Variants in DCHS2 observed in about 807,000 individuals in gnomAD.
DCHS2 encodes protocadherin-23.
In DCHS2, 142 loss-of-function variants were observed where a neutral mutation model predicts 182.4. The ratio of observed to expected loss-of-function variants is 0.78; its 90% confidence interval spans 0.68 to 0.89. The LOEUF is 0.89. DCHS2 is among the 40% of genes least tolerant of loss of function. The probability of loss-of-function intolerance (pLI) is 0.00; values close to 1 mark genes in which losing one functional copy is unlikely to be tolerated. For synonymous variants in DCHS2, 1,740 were observed against 1,663.3 expected (o/e 1.05, Z -1.12); for missense variants, 4,319 against 4,198.6 (o/e 1.03, Z -0.79).
chr4:154,297,250 C>T (rs552567824), intron 13 of DCHS2, among the ~76,000 whole-genome samples: 1 of 152,314 alleles, frequency 6.6e-6, no homozygotes, highest in Admixed American at 6.5e-5. Context: ...TTTCCTGTTA[C>T]ACCTGCAACT....
intron 10 of DCHS2, among the ~76,000 whole-genome samples, chr4:154,307,578 G>C (rs1281762934): frequency 6.6e-6 from 1 of 152,140 alleles, no homozygotes; most frequent in Non-Finnish European, 1.5e-5. Flanking sequence ...GGCCCCATGA[G>C]CTATTCCTCT....
intron 1 of DCHS2, among the ~76,000 whole-genome samples, chr4:154,431,614 G>C (rs1461518745): frequency 6.6e-6 from 1 of 152,104 alleles, no homozygotes; most frequent in East Asian, 1.9e-4. Flanking sequence ...TCTCTATGCA[G>C]ATAATAACAT....
intron 1 of DCHS2, among the ~76,000 whole-genome samples, chr4:154,396,740 C>T (rs1731942156): frequency 6.6e-6 from 1 of 152,078 alleles, no homozygotes; most frequent in South Asian, 2.1e-4. Context: ...TTCCATTTCC[C>T]ACTCTACTTC....
At chr4:154,316,052 C>T (rs1735845330) in intron 9 of DCHS2, 65 bp from the exon 10 acceptor site, 2 of 1,584,214 alleles carry the variant, frequency 1.3e-6, no homozygotes, top group Non-Finnish European at 1.7e-6. Flanking sequence ...ATGCTTACTC[C>T]ACTTATATCT....
intron 19 of DCHS2, among the ~76,000 whole-genome samples, chr4:154,238,382 A>G (rs1731639240): frequency 6.6e-6 from 1 of 152,148 alleles, no homozygotes; most frequent in East Asian, 1.9e-4. Flanking sequence ...AAATGATGCA[A>G]TGGTGGATAG....
At chr4:154,325,242 T>C (rs544656597) in intron 7 of DCHS2, among the ~76,000 whole-genome samples, 113 of 152,036 alleles carry the variant, frequency 7.4e-4, no homozygotes, top group African/African-American at 2.6e-3. Context: ...ATCTTTGAAG[T>C]CCATACATCC....
At chr4:154,451,067 T>C (rs1215581099) in intron 1 of DCHS2, among the ~76,000 whole-genome samples, 1 of 152,182 alleles carries the variant, frequency 6.6e-6, no homozygotes, top group Non-Finnish European at 1.5e-5. Flanking sequence ...CAAAAGCTGC[T>C]AGTTTTCAGT....
intron 3 of DCHS2, among the ~76,000 whole-genome samples, chr4:154,344,424 A>C (rs945555246): frequency 6.6e-6 from 1 of 152,234 alleles, no homozygotes; most frequent in Admixed American, 6.5e-5. Flanking sequence ...GTCATTTATC[A>C]GCAAATATGC....
chr4:154,465,058 A>G (rs1214833396), intron 1 of DCHS2, among the ~76,000 whole-genome samples: 3 of 152,210 alleles, frequency 2.0e-5, no homozygotes, highest in Admixed American at 2.0e-4. Context: ...TGCATACAAC[A>G]TTATTCCAAA....
At chr4:154,248,728 T>C (rs1284980040) in intron 16 of DCHS2, among the ~76,000 whole-genome samples, 2 of 152,078 alleles carry the variant, frequency 1.3e-5, no homozygotes, top group Non-Finnish European at 2.9e-5. Context: ...GGTACTGATA[T>C]AACACAAACA....
rs111807726 is a variant in DCHS2, at chr4:154,459,782, C to G, written c.2052+29522G>C. Among the ~76,000 whole-genome samples, 621 of 130,220 alleles carry G rather than the reference C, an allele frequency of 4.8e-3. 4 individuals are homozygous for G. The highest frequency in any genetic ancestry group is 0.017 in the African/African-American group (585 of 34,714). 85.4% of individuals were successfully genotyped at this position (130,220 alleles called of 152,430 possible). ...TCTCTCTCTCTCTCTCTCTCTCTCTCTATGTCTATCTCCCTCTCTTTCTCT... is the reference window on the plus strand; with the variant it reads ...TCTCTCTCTCTCTCTCTCTCTCTCTGTATGTCTATCTCCCTCTCTTTCTCT... On this transcript the variant is annotated intron_variant, in intron 1 of 19. Coordinates refer to ENST00000357232, the MANE Select transcript of DCHS2 (RefSeq NM_001358235.2).
intron 1 of DCHS2, among the ~76,000 whole-genome samples, chr4:154,428,912 A>C (rs923787383): frequency 2.6e-5 from 4 of 152,062 alleles, no homozygotes; most frequent in Admixed American, 1.3e-4. Context: ...TCCATCTCAA[A>C]GAAAAAAAAG....
chr4:154,345,130 C>T (rs1380162951), intron 3 of DCHS2, among the ~76,000 whole-genome samples: 1 of 152,186 alleles, frequency 6.6e-6, no homozygotes, highest in Non-Finnish European at 1.5e-5. Context: ...CATCAGTCCC[C>T]GTCTGGCTGT....
At chr4:154,406,209 G>T (rs767883486) in intron 1 of DCHS2, among the ~76,000 whole-genome samples, 5 of 152,204 alleles carry the variant, frequency 3.3e-5, no homozygotes, top group African/African-American at 1.2e-4. Flanking sequence ...AAACACCCAC[G>T]CAGATTCTCA....
At chr4:154,308,854 G>A (rs774589386) in intron 10 of DCHS2, among the ~76,000 whole-genome samples, 13 of 152,244 alleles carry the variant, frequency 8.5e-5, no homozygotes, top group Admixed American at 7.2e-4. Context: ...AAGCAAGCTC[G>A]CAGTGACAAT....
intron 15 of DCHS2, among the ~76,000 whole-genome samples, chr4:154,257,484 A>T (rs981197885): frequency 2.6e-5 from 4 of 152,202 alleles, no homozygotes; most frequent in Non-Finnish European, 5.9e-5. Context: ...TTCACCGAAG[A>T]TTCAAATTTC....
rs1383364436 is a variant in DCHS2 at position 154,328,193 on chromosome 4, C to G, written c.3919-1G>C. The G allele has an allele frequency of 5.6e-6, 9 of 1,602,148 alleles. No homozygotes were observed. The highest frequency in any genetic ancestry group is 7.7e-6 in the Non-Finnish European group (9 of 1,175,302). ...TATTTACTGGTTGACCTTCCAGAAC[C>G]TGCCATTAAAACAAACAGCTTACAA... On this transcript the variant is annotated splice_acceptor_variant, in intron 6 of 19. Coordinates refer to ENST00000357232, the MANE Select transcript of DCHS2 (RefSeq NM_001358235.2). LOFTEE classifies it high-confidence loss of function.
chr4:154,324,961 A>T (rs1263730392), intron 7 of DCHS2, among the ~76,000 whole-genome samples: 1 of 152,198 alleles, frequency 6.6e-6, no homozygotes, highest in Non-Finnish European at 1.5e-5. Flanking sequence ...ACTATCAGAT[A>T]AAAAATAAAG....
chr4:154,246,060 T>C (rs1309131225), intron 16 of DCHS2, among the ~76,000 whole-genome samples: 4 of 152,118 alleles, frequency 2.6e-5, no homozygotes, highest in African/African-American at 9.7e-5. Flanking sequence ...AAAAGAAGTC[T>C]TTTAAAATGC....
Sources: gnomAD v4.1 joint callset for allele counts (sites outside exome capture counted in the v4.1 genomes callset) on GRCh38, gnomAD v4.1.1 for gene constraint, MANE v1.5 for transcripts, NCBI Gene and HGNC (gene_info 2026-07-23, HGNC 2026-07-21) for gene names.